Variants in CHD1L observed in about 807,000 individuals in gnomAD.
CHD1L encodes the protein ATP-dependent chromatin remodeler CHD1L.
In CHD1L, 118 loss-of-function variants were observed where a neutral mutation model predicts 115.9. That is an observed-to-expected ratio of 1.02 (90% CI 0.88 to 1.19). CHD1L has a LOEUF of 1.19. Ranked by LOEUF, CHD1L falls within the 50% of genes most tolerant of loss-of-function variation. The pLI is 0.00. For synonymous variants in CHD1L, 411 were observed against 387.1 expected (o/e 1.06, Z -0.72); for missense variants, 1,179 against 1,065.3 (o/e 1.11, Z -1.49).
chr1:147,205,325 A>T, the CHD1L span, among the ~76,000 whole-genome samples: 1 of 152,222 alleles, frequency 6.6e-6, no homozygotes, highest in African/African-American at 2.4e-5. Flanking sequence ...ACTTGATGGT[A>T]TCTATACCAC....
chr1:147,232,962 C>T, the CHD1L span, among the ~76,000 whole-genome samples: 5 of 152,284 alleles, frequency 3.3e-5, no homozygotes, highest in Admixed American at 1.3e-4. Context: ...GGCCACCCAT[C>T]GTCTGGGACA....
At position 147,295,547 on chromosome 1, in the gene CHD1L, G is replaced by A; in HGVS notation, c.*38G>A. On this transcript the variant is annotated 3_prime_UTR_variant, in exon 23 of 23. Coordinates refer to ENST00000369258, the MANE Select transcript of CHD1L (RefSeq NM_004284.6). ...CCTCAGATCCTGTCTTTAGCAACCA[G>A]CTAATATTTACCCAGAGGTACTGCA... 1 of 1,452,444 alleles carries A rather than the reference G, an allele frequency of 6.9e-7. No individual in the cohort carries two copies. The highest frequency in any genetic ancestry group is 1.2e-5 in the South Asian group (1 of 86,368). The allele number at this position is 1,452,444 out of a possible 1,614,324, so 90.0% of individuals were successfully genotyped here. A position where few individuals can be genotyped will look rare whatever the true frequency, so the allele number is the denominator to read the frequency against.
In CHD1L at chr1:147,269,008, T is replaced by C. The variant is rs1192115250; in HGVS notation, c.1085+130T>C. ...TCTTAACACTGATTCAGGTTCTGCC[T>C]TCTCTGTGACTACACTCCCACCCCA... On this transcript the variant is annotated intron_variant, in intron 10 of 22. Transcript: ENST00000369258. 11 of 592,408 alleles carry C rather than the reference T, an allele frequency of 1.9e-5. No homozygotes were observed. In the East Asian group the frequency reaches 3.6e-4, roughly 19 times the overall value. 36.7% of individuals were successfully genotyped at this position (592,408 alleles called of 1,614,324 possible).
the CHD1L span, among the ~76,000 whole-genome samples, chr1:147,191,313 G>A: frequency 6.6e-6 from 1 of 152,070 alleles, no homozygotes; most frequent in Non-Finnish European, 1.5e-5. Flanking sequence ...GTGTAAAAGT[G>A]TTCCTATTTC....
chr1:147,288,322 C>CATTAAAAAAAAAAAAAAAAAAA lies in CHD1L; in HGVS notation c.2320+590_2320+591insTTAAAAAAAAAAAAAAAAAAAA, dbSNP rs1452486110. Among the ~76,000 whole-genome samples the CATTAAAAAAAAAAAAAAAAAAA allele has an allele frequency of 2.3e-5, 2 of 87,894 alleles. 1 individual carries two copies. Among genetic ancestry groups the CATTAAAAAAAAAAAAAAAAAAA allele is most frequent in the African/African-American group, 9.6e-5 (2 of 20,760 alleles). The allele number at this position is 87,894 out of a possible 152,430, so 57.7% of individuals were successfully genotyped here. Reference sequence around the variant, plus strand: ...CCTGAGTGAGAGTGAGACCCTGTTTCAATAAAAAAAAAAAAAAAAAAAAAG... The same window carrying CATTAAAAAAAAAAAAAAAAAAA: ...CCTGAGTGAGAGTGAGACCCTGTTTCATTAAAAAAAAAAAAAAAAAAAAATAAAAAAAAAAAAAAAAAAAAAG... On this transcript the variant is annotated intron_variant, in intron 19 of 22. Transcript: ENST00000369258.
intron 6 of CHD1L, among the ~76,000 whole-genome samples, chr1:147,263,001 A>G (rs1672512047): frequency 6.6e-6 from 1 of 152,204 alleles, no homozygotes; most frequent in South Asian, 2.1e-4. Context: ...CAAAATGTAT[A>G]TTAAATATCA....
At chr1:147,190,986 A>C in the CHD1L span, among the ~76,000 whole-genome samples, 1 of 151,926 alleles carries the variant, frequency 6.6e-6, no homozygotes, top group Non-Finnish European at 1.5e-5. Context: ...TTCCAGTTTA[A>C]TCCATGTCCC....
upstream of CHD1L, among the ~76,000 whole-genome samples, chr1:147,242,247 A>C (rs1225724622): frequency 3.3e-5 from 5 of 152,208 alleles, no homozygotes; most frequent in African/African-American, 1.2e-4. Flanking sequence ...GGACTAAATC[A>C]ATTTATCACT....
At chr1:147,226,787 T>C in the CHD1L span, among the ~76,000 whole-genome samples, 24 of 152,132 alleles carry the variant, frequency 1.6e-4, no homozygotes, top group Non-Finnish European at 2.8e-4. Flanking sequence ...GTTGTATTTA[T>C]AGCAACTTAG....
At chr1:147,189,272 A>T in the CHD1L span, among the ~76,000 whole-genome samples, 1 of 55,848 alleles carries the variant, frequency 1.8e-5, no homozygotes, top group Admixed American at 1.6e-4. Flanking sequence ...GACTCCGTCT[A>T]AAAAAAAAAA....
chr1:147,255,662 TA>T (rs1430460112), intron 3 of CHD1L, 150 bp from the exon 4 acceptor site: 1 of 501,904 alleles, frequency 2.0e-6, no homozygotes, highest in Non-Finnish European at 3.5e-6. Context: ...ACCATTTTTT[TA>T]GATAAGATTC....
chr1:147,186,964 G>A, the CHD1L span: 1 of 1,614,184 alleles, frequency 6.2e-7, no homozygotes, highest in Non-Finnish European at 8.5e-7. Context: ...TATTGTCATT[G>A]TTGAAGTCAT....
chr1:147,233,500 C>T, the CHD1L span, among the ~76,000 whole-genome samples: 15 of 150,688 alleles, frequency 1.0e-4, no homozygotes, highest in Admixed American at 6.6e-4. Flanking sequence ...CCCGGCCAGC[C>T]GCCCCATCCG....
chr1:147,178,129 C>A, the CHD1L span: 10 of 1,599,618 alleles, frequency 6.3e-6, no homozygotes, highest in African/African-American at 1.3e-4. Flanking sequence ...CCTCCGCCGC[C>A]CAGCGCTGTT....
chr1:147,215,892 A>G, the CHD1L span: 2 of 1,613,080 alleles, frequency 1.2e-6, no homozygotes, highest in Non-Finnish European at 8.5e-7. Context: ...CTTTAGAAGT[A>G]TTGATGATCA....
At chr1:147,241,222 CCT>C (rs1269178867), upstream of CHD1L, among the ~76,000 whole-genome samples, 3 of 152,164 alleles carry the variant, frequency 2.0e-5, no homozygotes, top group African/African-American at 2.4e-5. Context: ...CATCATATCC[CCT>C]GTGACCTGCA....
At chr1:147,201,186 C>G in the CHD1L span, 1 of 1,613,888 alleles carries the variant, frequency 6.2e-7, no homozygotes, top group Non-Finnish European at 8.5e-7. Flanking sequence ...GTCCTTGGAG[C>G]TCTGAAATGG....
the CHD1L span, among the ~76,000 whole-genome samples, chr1:147,221,887 A>G: frequency 1.3e-5 from 2 of 152,356 alleles, no homozygotes; most frequent in East Asian, 3.9e-4. Context: ...CACTGTGCCA[A>G]TCCACTGCTT....
rs1553948209 is a variant in CHD1L, at chr1:147,266,106, T to A, written c.895+19T>A. 1 of 1,595,718 alleles carries A rather than the reference T, an allele frequency of 6.3e-7. No homozygotes were observed. Among genetic ancestry groups the A allele is most frequent in the Non-Finnish European group, 8.5e-7 (1 of 1,172,584 alleles). On this transcript the variant is annotated intron_variant, in intron 8 of 22. Transcript: ENST00000369258. ...GACCTAGGTAATCAGAGGGCACTTG[T>A]CCATTTAGAAACTAAATGAGGATGT...
Sources: gnomAD v4.1 joint callset for allele counts (sites outside exome capture counted in the v4.1 genomes callset) on GRCh38, gnomAD v4.1.1 for gene constraint, MANE v1.5 for transcripts, NCBI Gene and HGNC (gene_info 2026-07-23, HGNC 2026-07-21) for gene names.